Variants in VSIG1 observed in about 807,000 individuals in gnomAD.
VSIG1 encodes V-set and immunoglobulin domain containing 1.
Under a neutral mutation model 20.1 loss-of-function variants are expected in VSIG1, and 11 were observed. The observed-to-expected ratio is 0.55, with a 90% CI of 0.34 to 0.91. The LOEUF (loss-of-function observed/expected upper bound fraction) is 0.91, where lower values mean the gene tolerates loss of function less well. Ranked by LOEUF, VSIG1 falls within the 40% of genes least tolerant of loss-of-function variation. The pLI is 0.02. For synonymous variants in VSIG1, 126 were observed against 116.7 expected (o/e 1.08, Z -0.52); for missense variants, 283 against 298.8 (o/e 0.95, Z 0.39).
chrX:108,063,541 G>A (rs1320431915), intron 2 of VSIG1, among the ~76,000 whole-genome samples: 2 of 111,183 alleles, frequency 1.8e-5, no homozygotes, highest in African/African-American at 6.6e-5. Flanking sequence ...CCTTGTTTGC[G>A]TTGACTTTTC....
At chrX:108,036,606 A>C in the VSIG1 span, among the ~76,000 whole-genome samples, 1 of 112,201 alleles carries the variant, frequency 8.9e-6, no homozygotes, top group African/African-American at 3.2e-5. Context: ...TTGTTAAAAC[A>C]TGACTTGCCA....
At chrX:108,047,999 T>TAC (rs2030696445) in intron 1 of VSIG1, among the ~76,000 whole-genome samples, 8 of 70,875 alleles carry the variant, frequency 1.1e-4, no homozygotes, top group South Asian at 7.0e-4. Context: ...TATATATATA[T>TAC]ATACACATAT....
At chrX:108,043,546 C>T (rs2030513615), upstream of VSIG1, among the ~76,000 whole-genome samples, 1 of 111,699 alleles carries the variant, frequency 9.0e-6, no homozygotes, top group Non-Finnish European at 1.9e-5. Context: ...GGTGGTATGT[C>T]GGTTCATTGA....
upstream of VSIG1, among the ~76,000 whole-genome samples, chrX:108,041,553 CGTGTGT>C (rs371173365): frequency 0.34 from 34,068 of 99,569 alleles, 4,863 homozygotes; most frequent in Non-Finnish European, 0.41. Context: ...TAAAAAACCT[CGTGTGT>C]GTGTGTGTGT....
At chrX:108,058,923 G>GGT (rs35330502) in intron 2 of VSIG1, among the ~76,000 whole-genome samples, 6,636 of 105,578 alleles carry the variant, frequency 0.063, 195 homozygotes, top group Admixed American at 0.12. Flanking sequence ...TATACTCAAA[G>GGT]GTGTGTGTGT....
intron 5 of VSIG1, among the ~76,000 whole-genome samples, chrX:108,074,879 C>T (rs1255881049): frequency 9.0e-6 from 1 of 111,578 alleles, no homozygotes; most frequent in Admixed American, 9.5e-5. Flanking sequence ...GGAAAAATCA[C>T]AAGAAACTGA....
chrX:108,062,675 A>G (rs1328468995), intron 2 of VSIG1, among the ~76,000 whole-genome samples: 1 of 111,836 alleles, frequency 8.9e-6, no homozygotes, highest in African/African-American at 3.2e-5. Flanking sequence ...TTCTTTTGGT[A>G]TCCCATTCCT....
chrX:108,046,919 CA>C (rs755354545), intron 1 of VSIG1, among the ~76,000 whole-genome samples: 115 of 110,527 alleles, frequency 1.0e-3, no homozygotes, highest in African/African-American at 3.6e-3. Context: ...TATATCTACA[CA>C]CATATTATCT....
chrX:108,030,381 C>T, the VSIG1 span, among the ~76,000 whole-genome samples: 14 of 111,680 alleles, frequency 1.3e-4, no homozygotes, highest in East Asian at 8.5e-4. Context: ...AATTGGAGCA[C>T]GTGAGTGGGA....
upstream of VSIG1, among the ~76,000 whole-genome samples, chrX:108,043,900 T>C (rs1412464332): frequency 8.9e-6 from 1 of 112,059 alleles, no homozygotes; most frequent in Non-Finnish European, 1.9e-5. Flanking sequence ...GGGGCATGAG[T>C]TAATGTGGCT....
chrX:108,045,139 C>T lies in VSIG1; in HGVS notation c.9C>T (p.Phe3=). Reference sequence around the variant, plus strand: ...CAACTAACCTCCACACAATGGTGTTCGCATTTTGGAAGGTCTTTCTGATCC... The same window carrying T: ...CAACTAACCTCCACACAATGGTGTTTGCATTTTGGAAGGTCTTTCTGATCC... MV[F]AFWKVFLILS... Residue 3 remains phenylalanine, a synonymous_variant, in exon 1 of 7, where the codon TTC becomes TTT. Transcript: ENST00000217957. The T allele has an allele frequency of 8.4e-7, 1 of 1,191,195 alleles. No homozygotes were observed. Among genetic ancestry groups the T allele is most frequent in the Non-Finnish European group, 1.1e-6 (1 of 883,883 alleles).
At chrX:108,074,418 G>A (rs2031313649) in intron 5 of VSIG1, among the ~76,000 whole-genome samples, 1 of 111,447 alleles carries the variant, frequency 9.0e-6, no homozygotes, top group African/African-American at 3.3e-5. Context: ...TTCCTTTCTA[G>A]TCTTTTTTCC....
At chrX:108,068,270 T>A (rs1190013140) in intron 3 of VSIG1, among the ~76,000 whole-genome samples, 1 of 111,816 alleles carries the variant, frequency 8.9e-6, no homozygotes, top group Non-Finnish European at 1.9e-5. Context: ...CATATTTTTA[T>A]CTTACTGAGT....
Position 108,076,067 on chromosome X carries a change from T to A in VSIG1, c.689-10T>A. 8.3e-7 allele frequency: 1 copy of A among 1,210,375 alleles called. No homozygotes were observed. Among genetic ancestry groups the A allele is most frequent in the Non-Finnish European group, 1.1e-6 (1 of 894,876 alleles). On this transcript the variant is annotated splice_polypyrimidine_tract_variant and intron_variant, in intron 5 of 6. Transcript: ENST00000217957. ...TTCCACTTTATTAACCAGCTGCTTG[T>A]ATCCTTCAGATCCAGAAGTTGGAAT...
At chrX:108,073,450 C>T in intron 5 of VSIG1, 81 bp downstream of exon 5, 1 of 1,095,211 alleles carries the variant, frequency 9.1e-7, no homozygotes, top group East Asian at 3.0e-5. Context: ...TAGTTAGGAT[C>T]CCCAGTTAGT....
chrX:108,073,147 G>C (rs2031283669), intron 4 of VSIG1, 103 bp from the exon 5 acceptor site: 1 of 974,039 alleles, frequency 1.0e-6, no homozygotes, highest in Admixed American at 2.5e-5. Context: ...TCAAGAAAGA[G>C]AGGCCAATAT....
the VSIG1 span, among the ~76,000 whole-genome samples, chrX:108,026,422 C>G: frequency 9.0e-6 from 1 of 111,045 alleles, no homozygotes; most frequent in Non-Finnish European, 1.9e-5. Flanking sequence ...TAATTACAGT[C>G]ACTTCCTTGA....
intron 1 of VSIG1, among the ~76,000 whole-genome samples, chrX:108,055,563 AAAACACTAGC>A (rs1261446587): frequency 8.9e-6 from 1 of 111,892 alleles, no homozygotes; most frequent in African/African-American, 3.2e-5. Flanking sequence ...AATCCTTAGC[AAAACACTAGC>A]AAATTGAATC....
At chrX:108,030,298 T>C in the VSIG1 span, among the ~76,000 whole-genome samples, 2 of 112,059 alleles carry the variant, frequency 1.8e-5, no homozygotes, top group Non-Finnish European at 3.8e-5. Flanking sequence ...AAAATAGAAG[T>C]AATGACTTTA....
Sources: allele counts gnomAD v4.1 joint callset (sites outside exome capture counted in the v4.1 genomes callset), GRCh38; gene constraint gnomAD v4.1.1; transcripts MANE v1.5; gene names NCBI Gene and HGNC (gene_info 2026-07-23, HGNC 2026-07-21).